STX8: variants seen among roughly 807,000 people sequenced by gnomAD.
The protein encoded by STX8 is syntaxin 8, also known as syntaxin-8.
In STX8, 23 loss-of-function variants were observed where a neutral mutation model predicts 37.5. The ratio of observed to expected loss-of-function variants is 0.61; its 90% CI spans 0.44 to 0.87. The LOEUF is 0.87. Ranked by LOEUF, STX8 falls within the 40% of genes least tolerant of loss-of-function variation. The probability of loss-of-function intolerance (pLI) is 0.00; values close to 1 mark genes in which losing one functional copy is unlikely to be tolerated. For missense variants in STX8, 313 were observed against 284.7 expected, an observed-to-expected ratio of 1.10 and a Z score of -0.71; for synonymous variants, 115 against 99.1, an observed-to-expected ratio of 1.16 and a Z score of -0.95.
At chr17:9,495,481 A>G (rs1904350181) in intron 5 of STX8, among the ~76,000 whole-genome samples, 1 of 152,224 alleles carries the variant, frequency 6.6e-6, no homozygotes, top group Non-Finnish European at 1.5e-5. Context: ...AGTTTCCATT[A>G]GGAAAAGAGT....
At chr17:9,482,240 A>C (rs577735835) in intron 6 of STX8, among the ~76,000 whole-genome samples, 23 of 151,500 alleles carry the variant, frequency 1.5e-4, no homozygotes, top group African/African-American at 5.3e-4. Flanking sequence ...TTCAAATACC[A>C]CCTACAGAAT....
intron 6 of STX8, among the ~76,000 whole-genome samples, chr17:9,479,802 CCCG>C (rs902576178): frequency 2.6e-5 from 4 of 151,898 alleles, no homozygotes; most frequent in Non-Finnish European, 5.9e-5. Flanking sequence ...AGCCCTAACC[CCCG>C]CCTCCTGCCA....
rs1187739035 is a variant in STX8, at chr17:9,250,605, C to A, written c.684G>T (p.Val228=). 1 of 1,599,740 alleles carries A rather than the reference C, an allele frequency of 6.3e-7. No individual in the cohort carries two copies. The highest frequency in any genetic ancestry group is 1.1e-5 in the South Asian group (1 of 88,310). The part of the protein sequence containing the change: ...MVILLLLVAI[V]VVAVWPTN ...AGTTGGTCGGCCAGACTGCAACAAC[C>A]ACGATAGCCACAAGCAGCAGTAAAA... Residue 228 remains valine (V), a synonymous_variant, in exon 8 of 8, where the codon GTG becomes GTT. Transcript: ENST00000306357.
chr17:9,450,451 T>C (rs1192790489), intron 6 of STX8, among the ~76,000 whole-genome samples: 1 of 151,810 alleles, frequency 6.6e-6, no homozygotes, highest in Non-Finnish European at 1.5e-5. Flanking sequence ...ATGATAGACA[T>C]TCCTTCAAAT....
At chr17:9,568,338 A>C in intron 2 of STX8, 33 bp downstream of exon 2, 1 of 1,561,898 alleles carries the variant, frequency 6.4e-7, no homozygotes, top group Non-Finnish European at 8.8e-7. Flanking sequence ...AACTCAAACA[A>C]ATCATTGGGT....
At chr17:9,519,697 C>T (rs1047320077) in intron 4 of STX8, among the ~76,000 whole-genome samples, 31 of 151,856 alleles carry the variant, frequency 2.0e-4, no homozygotes, top group Admixed American at 1.3e-3. Context: ...TCCTCAACAT[C>T]CCCGCTTCCA....
chr17:9,436,560 TCA>T (rs1186055247), intron 6 of STX8, among the ~76,000 whole-genome samples: 2 of 152,100 alleles, frequency 1.3e-5, no homozygotes, highest in African/African-American at 4.8e-5. Flanking sequence ...TTCGGACAGA[TCA>T]CAGACACTTT....
chr17:9,540,311 G>A (rs890343561), intron 4 of STX8, among the ~76,000 whole-genome samples: 3 of 152,154 alleles, frequency 2.0e-5, no homozygotes, highest in South Asian at 2.1e-4. Context: ...CATGGCCCTT[G>A]AGCAGATTTC....
intron 6 of STX8, among the ~76,000 whole-genome samples, chr17:9,424,019 C>A (rs969865498): frequency 6.6e-6 from 1 of 152,162 alleles, no homozygotes; most frequent in East Asian, 1.9e-4. Flanking sequence ...GGTTTATCTA[C>A]GCATTCTGAT....
chr17:9,532,210 C>CGATA (rs1449162813), intron 4 of STX8, among the ~76,000 whole-genome samples: 1 of 151,544 alleles, frequency 6.6e-6, no homozygotes, highest in African/African-American at 2.4e-5. Flanking sequence ...TCTCTTCTGG[C>CGATA]GATAATCAGT....
intron 6 of STX8, among the ~76,000 whole-genome samples, chr17:9,468,955 G>A (rs1002885783): frequency 6.6e-6 from 1 of 152,160 alleles, no homozygotes; most frequent in African/African-American, 2.4e-5. Context: ...AAGCCCCTCC[G>A]AGGCTGCTCC....
chr17:9,381,692 A>G (rs1304856911), intron 6 of STX8, among the ~76,000 whole-genome samples: 1 of 152,178 alleles, frequency 6.6e-6, no homozygotes, highest in East Asian at 1.9e-4. Context: ...AAGACAATGA[A>G]TGGGCTGGTG....
At chr17:9,393,378 C>G (rs928789350) in intron 6 of STX8, among the ~76,000 whole-genome samples, 1 of 152,118 alleles carries the variant, frequency 6.6e-6, no homozygotes, top group African/African-American at 2.4e-5. Flanking sequence ...AGAAGAAAAA[C>G]GATACCAGTA....
chr17:9,264,440 G>T (rs145234441), intron 7 of STX8, among the ~76,000 whole-genome samples: 3 of 152,152 alleles, frequency 2.0e-5, no homozygotes, highest in Admixed American at 2.0e-4. Flanking sequence ...GAGAAGATGG[G>T]ACCACATGTG....
intron 7 of STX8, among the ~76,000 whole-genome samples, chr17:9,269,812 C>T (rs1907385764): frequency 6.6e-6 from 1 of 152,248 alleles, no homozygotes; most frequent in Admixed American, 6.5e-5. Context: ...ATCGTTCACA[C>T]TGCTTTGGGG....
chr17:9,274,791 A>G (rs1273013710), intron 7 of STX8, among the ~76,000 whole-genome samples: 16 of 115,266 alleles, frequency 1.4e-4, no homozygotes, highest in Non-Finnish European at 1.2e-4. Flanking sequence ...TCGCTCTGTC[A>G]CCAGGCTGGA....
chr17:9,485,230 A>G (rs1276600798), intron 6 of STX8, among the ~76,000 whole-genome samples: 1 of 152,242 alleles, frequency 6.6e-6, no homozygotes, highest in Non-Finnish European at 1.5e-5. Flanking sequence ...AGGCTATTGC[A>G]GTAATCGAGG....
intron 4 of STX8, among the ~76,000 whole-genome samples, chr17:9,544,366 A>C (rs1315582541): frequency 6.6e-6 from 1 of 152,144 alleles, no homozygotes; most frequent in Non-Finnish European, 1.5e-5. Context: ...CTTCCAGCAG[A>C]ACCGGGCTCA....
chr17:9,390,766 G>T (rs553254992), intron 6 of STX8, among the ~76,000 whole-genome samples: 19 of 150,426 alleles, frequency 1.3e-4, no homozygotes, highest in African/African-American at 4.2e-4. Flanking sequence ...GAACCCGGGA[G>T]GTGGAGGTTG....
Sources: gnomAD v4.1 joint callset for allele counts (sites outside exome capture counted in the v4.1 genomes callset) on GRCh38, gnomAD v4.1.1 for gene constraint, MANE v1.5 for transcripts, NCBI Gene and HGNC (gene_info 2026-07-23, HGNC 2026-07-21) for gene names.